Variants in SSR1 observed in about 807,000 individuals in gnomAD.
SSR1 encodes the protein translocon-associated protein subunit alpha.
SSR1 carries 13 observed loss-of-function variants against 36.1 expected under a neutral mutation model. That is an observed-to-expected ratio of 0.36 (90% confidence interval 0.23 to 0.57). The LOEUF (loss-of-function observed/expected upper bound fraction) is 0.57. Ranked by LOEUF, SSR1 falls within the 20% of genes least tolerant of loss-of-function variation. The pLI, the probability that SSR1 is intolerant of heterozygous loss-of-function variation, is 0.81. For missense variants in SSR1, 291 were observed against 338.5 expected (o/e 0.86, Z 1.10); for synonymous variants, 113 against 118.9 (o/e 0.95, Z 0.32).
intron 3 of SSR1, among the ~76,000 whole-genome samples, chr6:7,303,067 C>A (rs1293987339): frequency 7.3e-6 from 1 of 136,356 alleles, no homozygotes; most frequent in Admixed American, 7.9e-5. Flanking sequence ...AACCGGGAGG[C>A]CTCGGAGGTT....
chr6:7,304,054 A>G (rs1757998454), intron 2 of SSR1, among the ~76,000 whole-genome samples: 1 of 152,222 alleles, frequency 6.6e-6, no homozygotes, highest in South Asian at 2.1e-4. Flanking sequence ...ATTTCATCAT[A>G]CCTCATTAAT....
chr6:7,311,980 A>C (rs1387378269), intron 1 of SSR1, among the ~76,000 whole-genome samples: 1 of 152,206 alleles, frequency 6.6e-6, no homozygotes, highest in Non-Finnish European at 1.5e-5. Context: ...ACTCATTAAC[A>C]GTTGTTTAAT....
intron 5 of SSR1, chr6:7,298,519 C>T: frequency 2.1e-6 from 1 of 472,398 alleles, no homozygotes; most frequent in Non-Finnish European, 3.7e-6. Context: ...GACAGAAAGC[C>T]AATACTAACT....
At chr6:7,303,967 A>G (rs992015720) in intron 2 of SSR1, among the ~76,000 whole-genome samples, 1 of 152,258 alleles carries the variant, frequency 6.6e-6, no homozygotes, top group African/African-American at 2.4e-5. Context: ...CCGACTCAAA[A>G]AAAAGAAATA....
At chr6:7,295,976 T>C (rs951750591) in intron 6 of SSR1, among the ~76,000 whole-genome samples, 2 of 152,230 alleles carry the variant, frequency 1.3e-5, no homozygotes, top group Non-Finnish European at 2.9e-5. Context: ...AAAGAATAAA[T>C]TTATTTCTAT....
intron 7 of SSR1, among the ~76,000 whole-genome samples, chr6:7,292,710 G>C (rs886777526): frequency 6.9e-6 from 1 of 145,738 alleles, no homozygotes; most frequent in Admixed American, 6.9e-5. Flanking sequence ...AAACACAATT[G>C]TAATTCCTCT....
intron 6 of SSR1, chr6:7,297,089 C>A: frequency 3.1e-6 from 1 of 324,272 alleles, no homozygotes. Context: ...GGTGTGGTGG[C>A]GTGCACCTGT....
chr6:7,308,323 T>G (rs796253352), intron 2 of SSR1, among the ~76,000 whole-genome samples: 1 of 152,186 alleles, frequency 6.6e-6, no homozygotes, highest in South Asian at 2.1e-4. Context: ...ATTTGCTTAG[T>G]TGGAAGACAT....
In SSR1 at chr6:7,303,709, G is replaced by C. The variant is rs1359985118; in HGVS notation, c.193-72C>G. ...AATCATTATTTAAAAATAAAGATTT[G>C]GCCGGGCACGGTGGCTCACACTTAT... is the stretch of plus-strand genomic sequence containing the variant. On this transcript the variant is annotated intron_variant, in intron 2 of 7. Transcript: ENST00000244763. 10 of 1,240,638 alleles carry C rather than the reference G, an allele frequency of 8.1e-6. No homozygotes were observed. In the East Asian group the frequency reaches 2.4e-4, roughly 29 times the overall value. The allele number at this position is 1,240,638 out of a possible 1,614,324, so 76.9% of individuals were successfully genotyped here. A position where few individuals can be genotyped will look rare whatever the true frequency, so the allele number is the denominator to read the frequency against.
At chr6:7,309,789 CTG>C in intron 2 of SSR1, 126 bp downstream of exon 2, 1 of 777,794 alleles carries the variant, frequency 1.3e-6, no homozygotes, top group Non-Finnish European at 2.2e-6. Flanking sequence ...TCATGCTGAA[CTG>C]TGGGTCAATG....
Position 7,309,755 on chromosome 6 carries a change from G to GT in SSR1, c.192+161dup. 3 of 634,378 alleles carry GT rather than the reference G, an allele frequency of 4.7e-6. No homozygotes were observed. In the East Asian group the frequency reaches 8.5e-5, roughly 18 times the overall value. The allele number at this position is 634,378 out of a possible 1,614,324, so 39.3% of individuals were successfully genotyped here. A position where few individuals can be genotyped will look rare whatever the true frequency, so the allele number is the denominator to read the frequency against. On this transcript the variant is annotated intron_variant, in intron 2 of 7. Coordinates refer to ENST00000244763, the MANE Select transcript of SSR1 (RefSeq NM_003144.5). Reference sequence around the variant, plus strand: ...GTTTGCTTCAATTTCTGCCATGATGGTAAGTTTCCTGAGGCCTCCCCAGTC... The same window carrying GT: ...GTTTGCTTCAATTTCTGCCATGATGGTTAAGTTTCCTGAGGCCTCCCCAGTC...
chr6:7,306,364 T>C (rs1037987838), intron 2 of SSR1, among the ~76,000 whole-genome samples: 16 of 151,832 alleles, frequency 1.1e-4, no homozygotes, highest in Admixed American at 8.5e-4. Flanking sequence ...AGGATGGTCT[T>C]GATCTCCTGA....
intron 2 of SSR1, among the ~76,000 whole-genome samples, chr6:7,307,961 C>A (rs758940157): frequency 6.6e-6 from 1 of 152,188 alleles, no homozygotes; most frequent in Admixed American, 6.5e-5. Context: ...GCCCCAAATA[C>A]CATCTTTAAT....
chr6:7,295,063 C>T lies in SSR1; in HGVS notation c.793+329G>A, dbSNP rs1210537936. On this transcript the variant is annotated intron_variant, in intron 7 of 7. Coordinates refer to ENST00000244763, the MANE Select transcript of SSR1 (RefSeq NM_003144.5). ...AGAGCCCCCAATTCTCTAGCAAAAA[C>T]CATTAAAAAAATTAAATGCCTCACC... 4 of 1,493,280 alleles carry T rather than the reference C, an allele frequency of 2.7e-6. No individual in the cohort carries two copies. In the East Asian group the frequency reaches 1.0e-4, roughly 38 times the overall value. 92.5% of individuals were successfully genotyped at this position (1,493,280 alleles called of 1,614,324 possible).
intron 4 of SSR1, among the ~76,000 whole-genome samples, chr6:7,299,646 C>T (rs9505128): frequency 0.47 from 70,197 of 150,258 alleles, 16,348 homozygotes; most frequent in East Asian, 0.57. Flanking sequence ...TGTGATGAGC[C>T]GAGATCACTC....
intron 7 of SSR1, among the ~76,000 whole-genome samples, chr6:7,294,845 A>G (rs150927108): frequency 1.9e-3 from 285 of 152,296 alleles, no homozygotes; most frequent in Middle Eastern, 6.8e-3. Flanking sequence ...AAACATTTCT[A>G]TATTCTTTTA....
chr6:7,300,665 T>C (rs1757912570), intron 4 of SSR1, among the ~76,000 whole-genome samples: 1 of 152,182 alleles, frequency 6.6e-6, no homozygotes, highest in African/African-American at 2.4e-5. Flanking sequence ...TTTTTTGAGA[T>C]GGAGTCTCAC....
At chr6:7,298,865 T>C (rs949460569) in intron 4 of SSR1, 42 bp from the exon 5 acceptor site, 9 of 1,482,984 alleles carry the variant, frequency 6.1e-6, no homozygotes, top group Admixed American at 3.4e-5. Flanking sequence ...CTAAATGCAA[T>C]AAAGGAAGTA....
chr6:7,293,903 G>A (rs186523689), intron 7 of SSR1, among the ~76,000 whole-genome samples: 8 of 152,300 alleles, frequency 5.3e-5, no homozygotes, highest in African/African-American at 1.9e-4. Flanking sequence ...AAATGAAACA[G>A]TAAGACACTC....
Sources: allele counts gnomAD v4.1 joint callset (sites outside exome capture counted in the v4.1 genomes callset), GRCh38; gene constraint gnomAD v4.1.1; transcripts MANE v1.5; gene names NCBI Gene and HGNC (gene_info 2026-07-23, HGNC 2026-07-21).